Variants in HIVEP3 observed in about 807,000 individuals in gnomAD.
HIVEP3 encodes transcription factor HIVEP3.
A neutral mutation model predicts 152.8 loss-of-function variants in HIVEP3; 49 were observed. The observed-to-expected ratio is 0.32, with a 90% CI of 0.26 to 0.41. HIVEP3 has a LOEUF of 0.41. HIVEP3 is among the 10% of genes least tolerant of loss of function. The pLI, the probability that HIVEP3 is intolerant of heterozygous loss-of-function variation, is 1.00. For missense variants in HIVEP3, 2,790 were observed against 3,103.3 expected (o/e 0.90, Z 2.40); for synonymous variants, 1,269 against 1,289.0 (o/e 0.98, Z 0.33).
At chr1:41,913,053 T>C (rs984039324) in intron 1 of HIVEP3, among the ~76,000 whole-genome samples, 8 of 151,958 alleles carry the variant, frequency 5.3e-5, no homozygotes, top group African/African-American at 1.9e-4. Flanking sequence ...AGAGAGGGAG[T>C]CTTCTCAAAG....
At chr1:41,765,470 C>T (rs1047879262) in intron 1 of HIVEP3, among the ~76,000 whole-genome samples, 2 of 152,154 alleles carry the variant, frequency 1.3e-5, no homozygotes, top group Admixed American at 6.5e-5. Context: ...CTGGCTCCTC[C>T]CCTGTTGTTT....
At chr1:42,023,557 G>T (rs116149838) in intron 1 of HIVEP3, among the ~76,000 whole-genome samples, 341 of 152,214 alleles carry the variant, frequency 2.2e-3, no homozygotes, top group African/African-American at 7.8e-3. Context: ...GATCCTTCAT[G>T]AATGAATTAT....
chr1:41,673,746 G>A (rs1447230532), intron 2 of HIVEP3, among the ~76,000 whole-genome samples: 1 of 152,232 alleles, frequency 6.6e-6, no homozygotes, highest in African/African-American at 2.4e-5. Flanking sequence ...AGTCTAAATT[G>A]CACATGCTGT....
intron 2 of HIVEP3, among the ~76,000 whole-genome samples, chr1:41,633,024 G>A (rs1000993713): frequency 6.6e-6 from 1 of 152,054 alleles, no homozygotes; most frequent in Non-Finnish European, 1.5e-5. Flanking sequence ...TCAGGTGGAA[G>A]GAGAGAGACT....
chr1:41,908,949 G>A (rs937992607), intron 1 of HIVEP3, among the ~76,000 whole-genome samples: 7 of 152,110 alleles, frequency 4.6e-5, no homozygotes, highest in Admixed American at 4.6e-4. Flanking sequence ...TACCAAGTAT[G>A]AGAAATAAAA....
At position 41,751,946 on chromosome 1, in the gene HIVEP3, C is replaced by T. The variant is rs574060901; in HGVS notation, c.-800-50951G>A. Among the ~76,000 whole-genome samples the T allele has an allele frequency of 2.6e-5, 4 of 152,184 alleles. No homozygotes were observed. The East Asian group carries it at 7.9e-4, about 30-fold the overall frequency. On this transcript the variant is annotated intron_variant, in intron 1 of 8. Coordinates refer to ENST00000372583, the MANE Select transcript of HIVEP3 (RefSeq NM_024503.5). Reference sequence around the variant, plus strand: ...GCCTGTGGTGGGTGGAGGATCCAGGCCTGTTCTCCAACATGACCCTGTCCA... The same window carrying T: ...GCCTGTGGTGGGTGGAGGATCCAGGTCTGTTCTCCAACATGACCCTGTCCA...
chr1:41,945,208 T>C (rs1645068400), intron 1 of HIVEP3, among the ~76,000 whole-genome samples: 1 of 151,966 alleles, frequency 6.6e-6, no homozygotes, highest in Admixed American at 6.5e-5. Context: ...CCCCAACTAA[T>C]AAGGACCCCG....
intron 1 of HIVEP3, among the ~76,000 whole-genome samples, chr1:41,818,687 T>C (rs1394853096): frequency 1.3e-5 from 2 of 152,102 alleles, no homozygotes; most frequent in African/African-American, 2.4e-5. Context: ...TAGCAGATGA[T>C]ATTATTATTC....
intron 1 of HIVEP3, among the ~76,000 whole-genome samples, chr1:41,900,337 T>C (rs532929189): frequency 2.4e-4 from 37 of 152,332 alleles, no homozygotes; most frequent in African/African-American, 7.2e-4. Flanking sequence ...TGACAGTTAT[T>C]GCTGCTATTA....
chr1:41,715,351 C>A (rs916986941), intron 1 of HIVEP3, among the ~76,000 whole-genome samples: 3 of 152,164 alleles, frequency 2.0e-5, no homozygotes, highest in African/African-American at 7.2e-5. Context: ...TACTCCCTGA[C>A]GTGTCCTGGT....
At chr1:41,850,043 C>A (rs1643553277) in intron 1 of HIVEP3, among the ~76,000 whole-genome samples, 2 of 152,182 alleles carry the variant, frequency 1.3e-5, no homozygotes, top group African/African-American at 4.8e-5. Context: ...TAAACTTTAG[C>A]ATGCATCAGA....
At chr1:41,896,156 C>T (rs1012219105) in intron 1 of HIVEP3, among the ~76,000 whole-genome samples, 6 of 152,090 alleles carry the variant, frequency 3.9e-5, no homozygotes, top group African/African-American at 1.2e-4. Context: ...TGACATGTGG[C>T]GAATCCCTGG....
chr1:41,904,898 TG>T (rs1644685765), intron 1 of HIVEP3, among the ~76,000 whole-genome samples: 2 of 152,204 alleles, frequency 1.3e-5, no homozygotes, highest in Non-Finnish European at 2.9e-5. Context: ...CCTTGGCCCT[TG>T]GCTTGCAGAA....
At chr1:41,600,770 A>G (rs1219280561) in intron 3 of HIVEP3, among the ~76,000 whole-genome samples, 2 of 152,184 alleles carry the variant, frequency 1.3e-5, no homozygotes, top group African/African-American at 4.8e-5. Context: ...GTCAATAAGA[A>G]TATGTCATGA....
At chr1:41,721,350 C>T (rs532579874) in intron 1 of HIVEP3, among the ~76,000 whole-genome samples, 3 of 152,188 alleles carry the variant, frequency 2.0e-5, no homozygotes, top group South Asian at 4.2e-4. Context: ...GGATTACAGG[C>T]GCATGCCACC....
intron 2 of HIVEP3, among the ~76,000 whole-genome samples, chr1:41,637,166 T>C (rs1645287755): frequency 6.6e-6 from 1 of 151,814 alleles, no homozygotes; most frequent in African/African-American, 2.4e-5. Context: ...ACACACATCA[T>C]CATACACAAA....
chr1:41,946,094 G>A (rs113697137), intron 1 of HIVEP3, among the ~76,000 whole-genome samples: 1 of 152,172 alleles, frequency 6.6e-6, no homozygotes, highest in African/African-American at 2.4e-5. Context: ...CTCTGGAAAC[G>A]GGAAAAGCTG....
chr1:41,528,158 T>A (rs1196441166), intron 5 of HIVEP3, among the ~76,000 whole-genome samples: 5 of 109,616 alleles, frequency 4.6e-5, no homozygotes, highest in Non-Finnish European at 7.4e-5. Flanking sequence ...ACACTCACAC[T>A]TGCCCTCACA....
At chr1:41,633,392 G>A (rs1464852083) in intron 2 of HIVEP3, among the ~76,000 whole-genome samples, 1 of 152,130 alleles carries the variant, frequency 6.6e-6, no homozygotes. Context: ...CTTGCTCAGA[G>A]CTCCTCCATG....
Sources: gnomAD v4.1 joint callset for allele counts (sites outside exome capture counted in the v4.1 genomes callset) on GRCh38, gnomAD v4.1.1 for gene constraint, MANE v1.5 for transcripts, NCBI Gene and HGNC (gene_info 2026-07-23, HGNC 2026-07-21) for gene names.